Variants in ANO3 observed in about 807,000 individuals in gnomAD.
ANO3 encodes anoctamin 3.
ANO3 carries 99 observed loss-of-function variants against 144.8 expected under a neutral mutation model. That is an observed-to-expected ratio of 0.68 (90% CI 0.58 to 0.81). The LOEUF is 0.81. ANO3 is among the 30% of genes least tolerant of loss of function. The pLI is 0.00. For synonymous variants in ANO3, 414 were observed against 392.6 expected (o/e 1.05, Z -0.64); for missense variants, 905 against 1,202.2 (o/e 0.75, Z 3.66).
rs1398863810 is a variant in ANO3 at position 26,459,189 on chromosome 11, T to C, written c.314-3841T>C. Among the ~76,000 whole-genome samples the C allele has an allele frequency of 2.0e-5, 3 of 152,058 alleles. No individual in the cohort carries two copies. In the East Asian group the frequency reaches 5.8e-4, roughly 29 times the overall value. Reference sequence around the variant, plus strand: ...GTAGGAGCTGGACAGGGAATGATAGTAAGGAGCTAGATGATGCATATGCCC... The same window carrying C: ...GTAGGAGCTGGACAGGGAATGATAGCAAGGAGCTAGATGATGCATATGCCC... On this transcript the variant is annotated intron_variant, in intron 3 of 26. Transcript: ENST00000256737.
At chr11:26,484,608 C>T (rs562604585) in intron 4 of ANO3, among the ~76,000 whole-genome samples, 1 of 152,100 alleles carries the variant, frequency 6.6e-6, no homozygotes, top group Non-Finnish European at 1.5e-5. Flanking sequence ...GGGGTTGGAG[C>T]CCCCACACAG....
At chr11:26,197,992 T>A (rs1023154160) in intron 1 of ANO3, among the ~76,000 whole-genome samples, 1 of 152,176 alleles carries the variant, frequency 6.6e-6, no homozygotes, top group Non-Finnish European at 1.5e-5. Flanking sequence ...GTCTCTTCAG[T>A]GCTGAAGATC....
At chr11:26,447,156 A>C (rs1199069526) in intron 3 of ANO3, among the ~76,000 whole-genome samples, 1 of 132,078 alleles carries the variant, frequency 7.6e-6, no homozygotes, top group Non-Finnish European at 1.6e-5. Flanking sequence ...ACAGTGAGCT[A>C]TGATCACACC....
intron 20 of ANO3, among the ~76,000 whole-genome samples, chr11:26,637,692 G>A (rs188368711): frequency 2.0e-5 from 3 of 152,300 alleles, no homozygotes; most frequent in African/African-American, 7.2e-5. Context: ...CATGCAGTAA[G>A]CATGACCATT....
At position 26,457,160 on chromosome 11, in the gene ANO3, G is replaced by T. The variant is rs539956924; in HGVS notation, c.314-5870G>T. Among the ~76,000 whole-genome samples the T allele has an allele frequency of 1.7e-4, 25 of 150,802 alleles. 1 individual carries two copies. In the South Asian group the frequency reaches 5.3e-3, roughly 32 times the overall value. On this transcript the variant is annotated intron_variant, in intron 3 of 26. Transcript: ENST00000256737. ...TTAGTGGGTGCAGCGCACCAGCATG[G>T]CACAGGTATACATGTGTAACTTACC...
At chr11:26,243,269 T>TTC (rs1852700729) in intron 1 of ANO3, among the ~76,000 whole-genome samples, 1 of 151,970 alleles carries the variant, frequency 6.6e-6, no homozygotes, top group Non-Finnish European at 1.5e-5. Context: ...TCAATTATCT[T>TTC]TCTCTCTCTC....
chr11:26,369,236 C>A (rs1856180979), intron 1 of ANO3, among the ~76,000 whole-genome samples: 1 of 152,104 alleles, frequency 6.6e-6, no homozygotes, highest in African/African-American at 2.4e-5. Context: ...ACAGAAACTG[C>A]ATTTCTGAAA....
intron 14 of ANO3, among the ~76,000 whole-genome samples, chr11:26,594,690 G>A (rs1476003230): frequency 6.6e-6 from 1 of 152,006 alleles, no homozygotes; most frequent in Non-Finnish European, 1.5e-5. Context: ...TTATTAGTTG[G>A]GGAAGGAGCT....
chr11:26,264,794 A>G (rs958453478), intron 1 of ANO3, among the ~76,000 whole-genome samples: 1 of 152,044 alleles, frequency 6.6e-6, no homozygotes, highest in Non-Finnish European at 1.5e-5. Flanking sequence ...TTCATTTTTT[A>G]TATAAGACAA....
intron 1 of ANO3, among the ~76,000 whole-genome samples, chr11:26,229,991 A>G (rs914752218): frequency 1.3e-5 from 2 of 152,212 alleles, no homozygotes; most frequent in East Asian, 3.9e-4. Context: ...TGTCAGGATC[A>G]GAGCCTCCTT....
chr11:26,643,610 C>T (rs1046678083), intron 23 of ANO3, among the ~76,000 whole-genome samples: 2 of 152,016 alleles, frequency 1.3e-5, no homozygotes, highest in African/African-American at 2.4e-5. Context: ...ACAAAATTAG[C>T]CGGGCATGGT....
intron 4 of ANO3, among the ~76,000 whole-genome samples, chr11:26,467,165 C>T (rs926122853): frequency 1.3e-5 from 2 of 151,810 alleles, no homozygotes; most frequent in East Asian, 1.9e-4. Flanking sequence ...TTTAATTTTT[C>T]TGGGTACAGA....
intron 22 of ANO3, 147 bp downstream of exon 22, chr11:26,642,176 CT>C: frequency 3.8e-6 from 3 of 796,876 alleles, no homozygotes; most frequent in Non-Finnish European, 5.8e-6. Flanking sequence ...TCTCAAGGAG[CT>C]AGAGATACTA....
chr11:26,234,202 G>A (rs986469148), intron 1 of ANO3, among the ~76,000 whole-genome samples: 12 of 152,072 alleles, frequency 7.9e-5, no homozygotes, highest in Admixed American at 2.0e-4. Context: ...TAACCATTGC[G>A]TTTTCCTTCA....
intron 1 of ANO3, among the ~76,000 whole-genome samples, chr11:26,242,126 T>C (rs1024771355): frequency 1.3e-5 from 2 of 152,198 alleles, no homozygotes; most frequent in South Asian, 2.1e-4. Context: ...ATAGTTGAAA[T>C]TGTTGAAAAC....
At chr11:26,255,021 C>T (rs564395671) in intron 1 of ANO3, among the ~76,000 whole-genome samples, 117 of 152,190 alleles carry the variant, frequency 7.7e-4, no homozygotes, top group African/African-American at 2.5e-3. Context: ...ACATTGTGTT[C>T]GGTCCATTCA....
Position 26,464,818 on chromosome 11 carries a change from G to A in ANO3, c.432+1670G>A, listed in dbSNP as rs150413484. Among the ~76,000 whole-genome samples the A allele has an allele frequency of 8.9e-3, 1,347 of 151,758 alleles. 10 individuals are homozygous for A. The highest frequency in any genetic ancestry group is 0.02 in the South Asian group (98 of 4,812). ...AAACTGTAGAACATCATGACACACCGGAGTGACTTGTTCTTCTAGCTTCTA... is the reference window on the plus strand; with the variant it reads ...AAACTGTAGAACATCATGACACACCAGAGTGACTTGTTCTTCTAGCTTCTA... On this transcript the variant is annotated intron_variant, in intron 4 of 26. Transcript: ENST00000256737.
At chr11:26,261,723 A>G (rs747488658) in intron 1 of ANO3, among the ~76,000 whole-genome samples, 2 of 152,204 alleles carry the variant, frequency 1.3e-5, no homozygotes, top group South Asian at 2.1e-4. Context: ...ATCTCAATAG[A>G]CTTTGCCAAT....
chr11:26,460,426 G>T (rs1859349849), intron 3 of ANO3, among the ~76,000 whole-genome samples: 1 of 12,550 alleles, frequency 8.0e-5, no homozygotes, highest in Non-Finnish European at 3.3e-4. Context: ...GAAAGGGGGG[G>T]GGGCGGGCGG....
Sources: allele counts gnomAD v4.1 joint callset (sites outside exome capture counted in the v4.1 genomes callset), GRCh38; gene constraint gnomAD v4.1.1; transcripts MANE v1.5; gene names NCBI Gene and HGNC (gene_info 2026-07-23, HGNC 2026-07-21).